The following PTPRD variants were observed in gnomAD, a reference collection of about 807,000 sequenced individuals.
PTPRD encodes the protein protein tyrosine phosphatase receptor type D.
PTPRD carries 34 observed loss-of-function variants against 214.5 expected under a neutral mutation model. The observed-to-expected ratio is 0.16, with a 90% CI of 0.12 to 0.21. PTPRD has a LOEUF of 0.21. Among genes scored for constraint, PTPRD ranks in the 10% least tolerant of loss-of-function variants. The pLI, the probability that PTPRD is intolerant of heterozygous loss-of-function variation, is 1.00. For synonymous variants in PTPRD, 1,128 were observed against 845.7 expected, an observed-to-expected ratio of 1.33 and a Z score of -5.79; for missense variants, 2,545 against 2,398.7, an observed-to-expected ratio of 1.06 and a Z score of -1.27.
At chr9:9,297,593 T>C (rs1595380833) in intron 9 of PTPRD, among the ~76,000 whole-genome samples, 1 of 151,704 alleles carries the variant, frequency 6.6e-6, no homozygotes, top group African/African-American at 2.4e-5. Flanking sequence ...ATAAATATAA[T>C]TAATCCCAGA....
intron 23 of PTPRD, 124 bp downstream of exon 23, chr9:8,504,137 G>A: frequency 1.1e-6 from 1 of 921,068 alleles, no homozygotes; most frequent in Non-Finnish European, 1.7e-6. Flanking sequence ...GAAGTGTGAT[G>A]CATACTAACC....
At chr9:10,549,324 T>A (rs970229395) in intron 2 of PTPRD, among the ~76,000 whole-genome samples, 1 of 152,110 alleles carries the variant, frequency 6.6e-6, no homozygotes, top group Non-Finnish European at 1.5e-5. Context: ...CCAGTGAGAA[T>A]CTAGAGTTTC....
chr9:10,562,809 C>G (rs1015539060), intron 2 of PTPRD, among the ~76,000 whole-genome samples: 2 of 151,968 alleles, frequency 1.3e-5, no homozygotes, highest in African/African-American at 4.8e-5. Context: ...AGTCATGTGA[C>G]TATAAGCACA....
At chr9:9,892,261 G>C (rs758552281) in intron 5 of PTPRD, among the ~76,000 whole-genome samples, 3 of 152,076 alleles carry the variant, frequency 2.0e-5, no homozygotes, top group African/African-American at 7.2e-5. Context: ...AAAATAGCCA[G>C]ATAAGGCCTT....
intron 3 of PTPRD, among the ~76,000 whole-genome samples, chr9:10,195,555 G>A (rs1050944012): frequency 6.6e-6 from 1 of 152,090 alleles, no homozygotes; most frequent in Non-Finnish European, 1.5e-5. Context: ...ACTTAAAAGG[G>A]AAATAGGCCA....
chr9:10,549,723 C>T (rs1353239553), intron 2 of PTPRD, among the ~76,000 whole-genome samples: 2 of 152,138 alleles, frequency 1.3e-5, no homozygotes, highest in African/African-American at 4.8e-5. Context: ...GCCATGTGTA[C>T]TTCTATGTTG....
chr9:10,202,811 C>T (rs1432429220), intron 3 of PTPRD, among the ~76,000 whole-genome samples: 1 of 151,352 alleles, frequency 6.6e-6, no homozygotes, highest in Non-Finnish European at 1.5e-5. Flanking sequence ...GCTTGATCTC[C>T]ATCCTCCTCG....
intron 2 of PTPRD, among the ~76,000 whole-genome samples, chr9:10,438,061 C>T (rs2098733987): frequency 7.1e-6 from 1 of 140,382 alleles, no homozygotes. Flanking sequence ...ATATAAAAGA[C>T]AAACTCATGG....
chr9:8,581,177 T>C (rs1294250414), intron 14 of PTPRD, among the ~76,000 whole-genome samples: 2 of 151,882 alleles, frequency 1.3e-5, no homozygotes, highest in Admixed American at 6.6e-5. Flanking sequence ...ATGCTGTAGA[T>C]GCCTTAGGAA....
At chr9:9,438,288 A>G (rs1204757407) in intron 8 of PTPRD, among the ~76,000 whole-genome samples, 1 of 152,220 alleles carries the variant, frequency 6.6e-6, no homozygotes, top group African/African-American at 2.4e-5. Flanking sequence ...GACTACTACT[A>G]TTCATTTAAC....
intron 14 of PTPRD, among the ~76,000 whole-genome samples, chr9:8,614,251 T>C (rs998594923): frequency 4.6e-5 from 7 of 152,170 alleles, no homozygotes; most frequent in African/African-American, 9.7e-5. Context: ...TCAATACTTA[T>C]GGTGATTTCA....
At chr9:8,493,512 T>A (rs181160993) in intron 26 of PTPRD, among the ~76,000 whole-genome samples, 1 of 152,218 alleles carries the variant, frequency 6.6e-6, no homozygotes, top group South Asian at 2.1e-4. Flanking sequence ...TTTATCACTA[T>A]AGACGAATTT....
chr9:9,403,659 G>A (rs2071927759), intron 8 of PTPRD, among the ~76,000 whole-genome samples: 1 of 152,002 alleles, frequency 6.6e-6, no homozygotes, highest in East Asian at 1.9e-4. Flanking sequence ...GATAAAATGA[G>A]TAAGATAATT....
intron 11 of PTPRD, among the ~76,000 whole-genome samples, chr9:8,803,616 C>T (rs2096614617): frequency 1.3e-5 from 2 of 151,882 alleles, no homozygotes; most frequent in Admixed American, 6.6e-5. Flanking sequence ...GCCTATAGTC[C>T]TGGAGGCTGA....
intron 3 of PTPRD, among the ~76,000 whole-genome samples, chr9:10,180,965 G>A (rs953697854): frequency 1.3e-5 from 2 of 151,900 alleles, no homozygotes; most frequent in Non-Finnish European, 2.9e-5. Context: ...CATATTCAAT[G>A]AATAAACTTT....
Position 8,895,004 on chromosome 9 carries a change from T to C in PTPRD, c.-104+123693A>G, listed in dbSNP as rs925433889. Among the ~76,000 whole-genome samples, 3 of 152,242 alleles carry C rather than the reference T, an allele frequency of 2.0e-5. No homozygotes were observed. In the South Asian group the frequency reaches 6.2e-4, roughly 31 times the overall value. On this transcript the variant is annotated intron_variant, in intron 11 of 45. Coordinates refer to ENST00000381196, the MANE Select transcript of PTPRD (RefSeq NM_002839.4). The stretch of plus-strand genomic sequence containing the variant: ...CACTTCTCACTGCAATGCAGTGCTG[T>C]CTTTTGCATATATATTGTCACAAGC...
intron 7 of PTPRD, among the ~76,000 whole-genome samples, chr9:9,634,780 G>C (rs539998589): frequency 4.6e-5 from 7 of 152,140 alleles, no homozygotes; most frequent in Non-Finnish European, 8.8e-5. Context: ...ATAGAGTTAA[G>C]TGTATAATAT....
intron 33 of PTPRD, among the ~76,000 whole-genome samples, chr9:8,450,555 G>C (rs1360866438): frequency 6.6e-6 from 1 of 152,162 alleles, no homozygotes; most frequent in Non-Finnish European, 1.5e-5. Context: ...GGGTAGATCA[G>C]CGCTCCTGAT....
At chr9:9,030,044 G>C (rs574861536) in intron 10 of PTPRD, among the ~76,000 whole-genome samples, 1 of 151,836 alleles carries the variant, frequency 6.6e-6, no homozygotes, top group Non-Finnish European at 1.5e-5. Flanking sequence ...AAATTGATCA[G>C]TCAAGAAAAT....
Sources: gnomAD v4.1 joint callset for allele counts (sites outside exome capture counted in the v4.1 genomes callset) on GRCh38, gnomAD v4.1.1 for gene constraint, MANE v1.5 for transcripts, NCBI Gene and HGNC (gene_info 2026-07-23, HGNC 2026-07-21) for gene names.